NR3C1: variants seen among roughly 807,000 people sequenced by gnomAD.
NR3C1 encodes the protein nuclear receptor subfamily 3 group C member 1.
In NR3C1, 14 loss-of-function variants were observed where a neutral mutation model predicts 74.0. The observed-to-expected ratio is 0.19, with a 90% CI of 0.12 to 0.30. The LOEUF (loss-of-function observed/expected upper bound fraction) is 0.30, where lower values mean the gene tolerates loss of function less well. Ranked by LOEUF, NR3C1 falls within the 10% of genes least tolerant of loss-of-function variation. NR3C1 has a pLI of 1.00. For synonymous variants in NR3C1, 308 were observed against 332.5 expected (o/e 0.93, Z 0.80); for missense variants, 695 against 909.8 (o/e 0.76, Z 3.04).
intron 2 of NR3C1, among the ~76,000 whole-genome samples, chr5:143,345,164 T>A (rs982345943): frequency 3.9e-5 from 6 of 152,158 alleles, no homozygotes; most frequent in African/African-American, 1.4e-4. Flanking sequence ...GCAGGCCCCC[T>A]GGACCCTGAA....
intron 2 of NR3C1, among the ~76,000 whole-genome samples, chr5:143,373,584 A>G (rs1253686755): frequency 1.3e-5 from 2 of 152,216 alleles, no homozygotes; most frequent in African/African-American, 4.8e-5. Context: ...CACGTTGTGC[A>G]CATGTACCCT....
At chr5:143,284,464 T>A (rs1262316391) in intron 7 of NR3C1, among the ~76,000 whole-genome samples, 5 of 124,338 alleles carry the variant, frequency 4.0e-5, no homozygotes, top group African/African-American at 1.4e-4. Flanking sequence ...ATGGGTTAAT[T>A]TTACACATTA....
intron 2 of NR3C1, among the ~76,000 whole-genome samples, chr5:143,330,182 C>T (rs1227161016): frequency 6.6e-6 from 1 of 152,058 alleles, no homozygotes; most frequent in African/African-American, 2.4e-5. Context: ...ATTTTAGAAA[C>T]TGTATGTTAA....
chr5:143,408,104 G>A (rs534547183), upstream of NR3C1, among the ~76,000 whole-genome samples: 1 of 152,140 alleles, frequency 6.6e-6, no homozygotes. Context: ...TTTGATGAAG[G>A]TCTAAAGCTT....
intron 1 of NR3C1, among the ~76,000 whole-genome samples, chr5:143,409,950 T>C (rs61757447): frequency 0.025 from 3,735 of 152,336 alleles, 142 homozygotes; most frequent in African/African-American, 0.085. Context: ...GGTGTCCTGG[T>C]TGACTTTATT....
chr5:143,391,801 G>A (rs1008706973), intron 2 of NR3C1, among the ~76,000 whole-genome samples: 9 of 152,074 alleles, frequency 5.9e-5, no homozygotes, highest in African/African-American at 2.2e-4. Flanking sequence ...ATTGCACATA[G>A]CAGACCCTAA....
chr5:143,374,490 CA>C lies in NR3C1; in HGVS notation c.1184+25165del, dbSNP rs33963148. Reference sequence around the variant, plus strand: ...TGGGCGACAGAGCGAGACTCTGTCTCAAAAAAAAAAAAAACATAGTGAGTAA... The same window carrying C: ...TGGGCGACAGAGCGAGACTCTGTCTCAAAAAAAAAAAAACATAGTGAGTAA... On this transcript the variant is annotated intron_variant, in intron 2 of 8. Transcript: ENST00000394464. 8.5e-3 allele frequency among the ~76,000 whole-genome samples: 956 copies of C among 113,034 alleles called. 10 individuals carry two copies. Among genetic ancestry groups the C allele is most frequent in the East Asian group, 0.034 (116 of 3,454 alleles). The allele number at this position is 113,034 out of a possible 152,430, so 74.2% of individuals were successfully genotyped here.
intron 1 of NR3C1, among the ~76,000 whole-genome samples, chr5:143,416,074 A>T (rs1460447518): frequency 2.0e-5 from 3 of 152,206 alleles, no homozygotes; most frequent in Non-Finnish European, 4.4e-5. Context: ...CAGGGATACC[A>T]TAATGCTTGA....
rs10482639 is a variant in NR3C1 at position 143,357,084 on chromosome 5, T to C, written c.1184+42572A>G. On this transcript the variant is annotated intron_variant, in intron 2 of 8. Transcript: ENST00000394464. ...GGCAGCAGTGGTACTTCCTCACCTC[T>C]TCAGTGCTTGTATTTTAAATCCAAA... 2.2e-3 allele frequency among the ~76,000 whole-genome samples: 340 copies of C among 152,344 alleles called. 1 individual carries two copies. The highest frequency in any genetic ancestry group is 7.8e-3 in the African/African-American group (324 of 41,578).
chr5:143,374,618 C>T (rs1241189427), intron 2 of NR3C1, among the ~76,000 whole-genome samples: 1 of 151,848 alleles, frequency 6.6e-6, no homozygotes, highest in Non-Finnish European at 1.5e-5. Context: ...GGGGCGAGGG[C>T]AGGGAGGAGA....
intron 2 of NR3C1, among the ~76,000 whole-genome samples, chr5:143,396,626 G>A (rs1209872073): frequency 2.6e-5 from 4 of 151,770 alleles, no homozygotes; most frequent in African/African-American, 7.2e-5. Flanking sequence ...AGATACAGAT[G>A]CGATTACTAA....
intron 3 of NR3C1, among the ~76,000 whole-genome samples, chr5:143,311,555 A>T (rs182284102): frequency 9.8e-5 from 15 of 152,332 alleles, no homozygotes; most frequent in Non-Finnish European, 7.3e-5. Flanking sequence ...CTATAAAATG[A>T]GGAGTTTTAA....
intron 2 of NR3C1, among the ~76,000 whole-genome samples, chr5:143,339,627 G>A (rs1355556480): frequency 1.3e-5 from 2 of 152,150 alleles, no homozygotes; most frequent in African/African-American, 4.8e-5. Context: ...TATCCAAGAT[G>A]ACTGCTCTGT....
At chr5:143,338,590 G>T (rs946666889) in intron 2 of NR3C1, among the ~76,000 whole-genome samples, 3 of 152,010 alleles carry the variant, frequency 2.0e-5, no homozygotes, top group African/African-American at 7.2e-5. Context: ...CTTAAAAATG[G>T]AAAAAAGCTT....
At chr5:143,333,978 C>G (rs1826569864) in intron 2 of NR3C1, among the ~76,000 whole-genome samples, 1 of 152,158 alleles carries the variant, frequency 6.6e-6, no homozygotes, top group Admixed American at 6.5e-5. Context: ...AATTTTTTAT[C>G]AGTGAAGTGG....
chr5:143,333,479 T>C (rs924056973), intron 2 of NR3C1, among the ~76,000 whole-genome samples: 20 of 152,094 alleles, frequency 1.3e-4, no homozygotes, highest in Non-Finnish European at 2.2e-4. Flanking sequence ...AACTAAAAAC[T>C]GTATTGCTGG....
rs549878139 is a variant in NR3C1, at chr5:143,316,038, C to T, written c.1185-1870G>A. On this transcript the variant is annotated intron_variant, in intron 2 of 8. Coordinates refer to ENST00000394464, the MANE Select transcript of NR3C1 (RefSeq NM_000176.3). Reference sequence around the variant, plus strand: ...GCTTCCGTATTACAAGGCATTCATTCCCTGCTAGATTTGGGCGAGTGGACT... The same window carrying T: ...GCTTCCGTATTACAAGGCATTCATTTCCTGCTAGATTTGGGCGAGTGGACT... 2.0e-5 allele frequency among the ~76,000 whole-genome samples: 3 copies of T among 152,316 alleles called. No individual in the cohort carries two copies. The East Asian group carries it at 5.8e-4, about 29-fold the overall frequency.
chr5:143,294,448 G>A (rs1345661652), intron 7 of NR3C1: 2 of 450,272 alleles, frequency 4.4e-6, no homozygotes, highest in Non-Finnish European at 2.9e-6. Context: ...GCAAAATTGG[G>A]AGGAAGGTAC....
chr5:143,384,141 G>A (rs1188642780), intron 2 of NR3C1, among the ~76,000 whole-genome samples: 3 of 152,180 alleles, frequency 2.0e-5, no homozygotes, highest in Admixed American at 6.5e-5. Context: ...GAAGGGGGAA[G>A]TGCCACACAC....
Sources: gnomAD v4.1 joint callset for allele counts (sites outside exome capture counted in the v4.1 genomes callset) on GRCh38, gnomAD v4.1.1 for gene constraint, MANE v1.5 for transcripts, NCBI Gene and HGNC (gene_info 2026-07-23, HGNC 2026-07-21) for gene names.